FHOD3: variants seen among roughly 807,000 people sequenced by gnomAD.
FHOD3 encodes FH1/FH2 domain-containing protein 3.
In FHOD3, 90 loss-of-function variants were observed where a neutral mutation model predicts 173.0. The observed-to-expected ratio is 0.52, with a 90% CI of 0.44 to 0.62. The LOEUF is 0.62. Ranked by LOEUF, FHOD3 falls within the 20% of genes least tolerant of loss-of-function variation. The pLI, the probability that FHOD3 is intolerant of heterozygous loss-of-function variation, is 0.00. For missense variants in FHOD3, 1,945 were observed against 2,034.7 expected (o/e 0.96, Z 0.85); for synonymous variants, 828 against 823.0 (o/e 1.01, Z -0.10).
intron 13 of FHOD3, among the ~76,000 whole-genome samples, chr18:36,654,609 C>A (rs970456045): frequency 3.9e-5 from 6 of 152,084 alleles, no homozygotes; most frequent in Admixed American, 3.9e-4. Flanking sequence ...TTCAAATAAG[C>A]GAGCTCATAC....
chr18:36,558,604 A>G (rs896599972), intron 5 of FHOD3, among the ~76,000 whole-genome samples: 1 of 152,216 alleles, frequency 6.6e-6, no homozygotes, highest in African/African-American at 2.4e-5. Flanking sequence ...CAGATGTTAC[A>G]TACACAACAT....
chr18:36,475,725 A>G (rs796803391), intron 3 of FHOD3, among the ~76,000 whole-genome samples: 2 of 151,426 alleles, frequency 1.3e-5, no homozygotes, highest in African/African-American at 4.9e-5. Flanking sequence ...GGATTACAGG[A>G]GACTTTTACT....
intron 1 of FHOD3, among the ~76,000 whole-genome samples, chr18:36,331,905 C>T (rs1419985869): frequency 6.6e-6 from 1 of 152,056 alleles, no homozygotes; most frequent in East Asian, 1.9e-4. Context: ...GGAATTAATG[C>T]AATGGTGGGC....
chr18:36,573,444 A>AG (rs769837255), intron 5 of FHOD3, among the ~76,000 whole-genome samples: 37 of 7,208 alleles, frequency 5.1e-3, no homozygotes, highest in Non-Finnish European at 0.039. Context: ...ATCTCTACAG[A>AG]AAAAAAAAAA....
intron 6 of FHOD3, among the ~76,000 whole-genome samples, chr18:36,593,018 G>A (rs2059279489): frequency 6.6e-6 from 1 of 152,136 alleles, no homozygotes; most frequent in African/African-American, 2.4e-5. Flanking sequence ...GTAAAGAGGA[G>A]TGAACTCAGA....
rs150383237 is a variant in FHOD3 at position 36,634,472 on chromosome 18, G to C, written c.1196+8723G>C. Among the ~76,000 whole-genome samples the C allele has an allele frequency of 2.7e-3, 407 of 152,264 alleles. 1 individual carries two copies. Among genetic ancestry groups the C allele is most frequent in the Non-Finnish European group, 5.0e-3 (337 of 68,022 alleles). The stretch of plus-strand genomic sequence containing the variant: ...GAGAATTCATCCTGAGTCTGCAGTA[G>C]AATAGCAGAATAGTAGAGCAGCCCT... On this transcript the variant is annotated intron_variant, in intron 10 of 28. Coordinates refer to ENST00000590592, the MANE Select transcript of FHOD3 (RefSeq NM_001281740.3).
chr18:36,675,283 G>A (rs956524278), intron 14 of FHOD3, among the ~76,000 whole-genome samples: 3 of 151,934 alleles, frequency 2.0e-5, no homozygotes, highest in Non-Finnish European at 2.9e-5. Flanking sequence ...CCCTTTCCAC[G>A]TGGTCTCCTC....
intron 3 of FHOD3, among the ~76,000 whole-genome samples, chr18:36,375,946 C>G (rs999065906): frequency 9.2e-5 from 14 of 152,216 alleles, no homozygotes; most frequent in Non-Finnish European, 2.9e-5. Context: ...AATCTAGCTT[C>G]GATCTTTTCA....
intron 10 of FHOD3, among the ~76,000 whole-genome samples, chr18:36,644,959 G>A (rs1236785611): frequency 6.6e-6 from 1 of 152,166 alleles, no homozygotes; most frequent in Non-Finnish European, 1.5e-5. Context: ...CCCATCGGTT[G>A]GCAAGGTGGA....
At chr18:36,580,113 A>G (rs1048576214) in intron 6 of FHOD3, among the ~76,000 whole-genome samples, 4 of 152,206 alleles carry the variant, frequency 2.6e-5, no homozygotes, top group Non-Finnish European at 4.4e-5. Context: ...ACATGGAAAA[A>G]TTATAAAATT....
At position 36,718,354 on chromosome 18, in the gene FHOD3, C is replaced by G; in HGVS notation, c.3056C>G (p.Pro1019Arg). The G allele has an allele frequency of 2.5e-6, 4 of 1,611,006 alleles. No homozygotes were observed. Among genetic ancestry groups the G allele is most frequent in the Non-Finnish European group, 3.4e-6 (4 of 1,178,700 alleles). The change falls in exon 19 of 29, where the codon CCT becomes CGT. Residue 1019 changes from proline to arginine, a missense_variant. Transcript: ENST00000590592. Reference sequence around the variant, plus strand: ...GTGGACCTGGGTCACAGGGAGGCCCCTGGGCCACCTCCCCCACCCCCACCC... The same window carrying G: ...GTGGACCTGGGTCACAGGGAGGCCCGTGGGCCACCTCCCCCACCCCCACCC... ...LDVDLGHREA[P>R]GPPPPPPPTF...
chr18:36,506,110 C>T (rs571271984), intron 4 of FHOD3, among the ~76,000 whole-genome samples: 1 of 152,252 alleles, frequency 6.6e-6, no homozygotes, highest in African/African-American at 2.4e-5. Context: ...TGCTGATCTT[C>T]CAGCTGAAAT....
At chr18:36,704,831 G>A (rs1166324141) in intron 17 of FHOD3, among the ~76,000 whole-genome samples, 3 of 152,166 alleles carry the variant, frequency 2.0e-5, no homozygotes, top group Admixed American at 6.5e-5. Flanking sequence ...GCCCCGCTCC[G>A]GTGTGAACAC....
intron 7 of FHOD3, among the ~76,000 whole-genome samples, chr18:36,597,164 C>A (rs1240066514): frequency 6.6e-6 from 1 of 152,130 alleles, no homozygotes; most frequent in East Asian, 1.9e-4. Context: ...GCTTCCAGCT[C>A]GGAGTTCCCT....
At chr18:36,655,524 A>C (rs1006798175) in intron 13 of FHOD3, among the ~76,000 whole-genome samples, 4 of 152,164 alleles carry the variant, frequency 2.6e-5, no homozygotes, top group African/African-American at 9.7e-5. Flanking sequence ...ATGAAGGTTG[A>C]CTTTGATTTA....
At chr18:36,543,453 G>C (rs2057300962) in intron 5 of FHOD3, among the ~76,000 whole-genome samples, 1 of 152,076 alleles carries the variant, frequency 6.6e-6, no homozygotes, top group East Asian at 1.9e-4. Flanking sequence ...GGCCTGGTTG[G>C]ACCATACGCT....
intron 19 of FHOD3, among the ~76,000 whole-genome samples, chr18:36,722,946 C>T (rs1369258559): frequency 6.6e-6 from 1 of 151,930 alleles, no homozygotes. Flanking sequence ...TTAACATTCC[C>T]CTCAGAAACC....
intron 10 of FHOD3, among the ~76,000 whole-genome samples, chr18:36,642,719 T>C (rs1437619811): frequency 6.6e-6 from 1 of 152,066 alleles, no homozygotes; most frequent in Non-Finnish European, 1.5e-5. Flanking sequence ...TTATAAAATA[T>C]TTACGAATAT....
chr18:36,459,921 G>A (rs1033632193), intron 3 of FHOD3, among the ~76,000 whole-genome samples: 4 of 152,048 alleles, frequency 2.6e-5, no homozygotes, highest in South Asian at 2.1e-4. Context: ...GAGTTGTCAC[G>A]CCTCCTTAGG....
Sources: gnomAD v4.1 joint callset for allele counts (sites outside exome capture counted in the v4.1 genomes callset) on GRCh38, gnomAD v4.1.1 for gene constraint, MANE v1.5 for transcripts, NCBI Gene and HGNC (gene_info 2026-07-23, HGNC 2026-07-21) for gene names.